Variants in NTNG1 observed in about 807,000 individuals in gnomAD.
NTNG1 encodes the protein netrin G1.
Under a neutral mutation model 54.0 loss-of-function variants are expected in NTNG1, and 16 were observed. The observed-to-expected ratio is 0.30, with a 90% CI of 0.20 to 0.45. The LOEUF (loss-of-function observed/expected upper bound fraction) is 0.45. NTNG1 is among the 20% of genes least tolerant of loss of function. The pLI is 1.00. For synonymous variants in NTNG1, 255 were observed against 263.1 expected (o/e 0.97, Z 0.30); for missense variants, 530 against 678.7 (o/e 0.78, Z 2.43).
At chr1:107,226,560 A>G (rs1055272376) in intron 2 of NTNG1, among the ~76,000 whole-genome samples, 2 of 152,126 alleles carry the variant, frequency 1.3e-5, no homozygotes, top group East Asian at 1.9e-4. Flanking sequence ...TTACCCAACT[A>G]TGTTTCTACT....
chr1:107,261,317 G>C (rs1663307858), intron 2 of NTNG1, among the ~76,000 whole-genome samples: 1 of 152,090 alleles, frequency 6.6e-6, no homozygotes, highest in Non-Finnish European at 1.5e-5. Context: ...TATGATAAAT[G>C]CTTTGTAAGC....
chr1:107,220,088 T>C (rs1436707313), intron 2 of NTNG1, among the ~76,000 whole-genome samples: 1 of 152,112 alleles, frequency 6.6e-6, no homozygotes, highest in African/African-American at 2.4e-5. Flanking sequence ...TCCAGGCCAA[T>C]GGAGTTATGT....
chr1:107,308,023 T>C (rs76326169), intron 2 of NTNG1, among the ~76,000 whole-genome samples: 3 of 152,084 alleles, frequency 2.0e-5, no homozygotes, highest in East Asian at 1.9e-4. Flanking sequence ...TTTTTTTTTT[T>C]CTTGTAAATT....
At chr1:107,216,121 A>G (rs1353359057) in intron 2 of NTNG1, among the ~76,000 whole-genome samples, 2 of 152,152 alleles carry the variant, frequency 1.3e-5, no homozygotes, top group Non-Finnish European at 2.9e-5. Flanking sequence ...CTCTTTACCC[A>G]TTTGGATGCC....
At position 107,244,789 on chromosome 1, in the gene NTNG1, C is replaced by T. The variant is rs539467953; in HGVS notation, c.247-79493C>T. On this transcript the variant is annotated intron_variant, in intron 2 of 7. Coordinates refer to ENST00000370068, the MANE Select transcript of NTNG1 (RefSeq NM_001113226.3). ...TCTGAATGAGGTGAAGAGTGTGGCGCGAACAGCAGGACCTTGACTGTGGCA... is the reference window on the plus strand; with the variant it reads ...TCTGAATGAGGTGAAGAGTGTGGCGTGAACAGCAGGACCTTGACTGTGGCA... Among the ~76,000 whole-genome samples, 11 of 152,158 alleles carry T rather than the reference C, an allele frequency of 7.2e-5. No individual in the cohort carries two copies. In the East Asian group the frequency reaches 1.4e-3, roughly 19 times the overall value.
At chr1:107,188,599 G>A (rs1657652429) in intron 2 of NTNG1, among the ~76,000 whole-genome samples, 1 of 152,090 alleles carries the variant, frequency 6.6e-6, no homozygotes, top group Admixed American at 6.6e-5. Flanking sequence ...TTCCAGGTAT[G>A]AGCCTGAAGA....
intron 2 of NTNG1, among the ~76,000 whole-genome samples, chr1:107,287,477 G>A (rs1665270612): frequency 6.6e-6 from 1 of 152,180 alleles, no homozygotes; most frequent in East Asian, 1.9e-4. Context: ...GCATAGTGCA[G>A]TGGCATGTGC....
At chr1:107,297,086 GACACAC>G (rs34213703) in intron 2 of NTNG1, among the ~76,000 whole-genome samples, 6,902 of 137,328 alleles carry the variant, frequency 0.05, 338 homozygotes, top group African/African-American at 0.13. Flanking sequence ...TACAGATGAG[GACACAC>G]ACACACACAC....
chr1:107,256,342 T>C (rs1662931635), intron 2 of NTNG1, among the ~76,000 whole-genome samples: 1 of 152,228 alleles, frequency 6.6e-6, no homozygotes, highest in Non-Finnish European at 1.5e-5. Context: ...AACTGCTAAC[T>C]GGACTCATTC....
At chr1:107,331,203 CT>C (rs1668261953) in intron 3 of NTNG1, among the ~76,000 whole-genome samples, 1 of 152,006 alleles carries the variant, frequency 6.6e-6, no homozygotes, top group Non-Finnish European at 1.5e-5. Context: ...GCATTATGCT[CT>C]TACAGTCACA....
At chr1:107,417,730 G>T (rs1241690379) in intron 5 of NTNG1, among the ~76,000 whole-genome samples, 1 of 152,054 alleles carries the variant, frequency 6.6e-6, no homozygotes, top group East Asian at 1.9e-4. Context: ...GGACTCAATA[G>T]ATGGTAGGAT....
At chr1:107,448,930 T>C (rs1397782115) in intron 7 of NTNG1, among the ~76,000 whole-genome samples, 1 of 152,118 alleles carries the variant, frequency 6.6e-6, no homozygotes, top group Non-Finnish European at 1.5e-5. Context: ...CATTTGGTTA[T>C]GAATATATCA....
chr1:107,259,430 A>G (rs773173526), intron 2 of NTNG1, among the ~76,000 whole-genome samples: 1 of 152,248 alleles, frequency 6.6e-6, no homozygotes, highest in Non-Finnish European at 1.5e-5. Flanking sequence ...GAAATGTAAC[A>G]CAGCTTAAAT....
intron 2 of NTNG1, among the ~76,000 whole-genome samples, chr1:107,246,058 T>C (rs1183033459): frequency 2.0e-5 from 3 of 152,150 alleles, no homozygotes; most frequent in Non-Finnish European, 2.9e-5. Flanking sequence ...ATTTTTGTTT[T>C]GTTTTGTTTT....
At chr1:107,270,708 G>GCCCCCT (rs1447788568) in intron 2 of NTNG1, among the ~76,000 whole-genome samples, 1 of 67,742 alleles carries the variant, frequency 1.5e-5, no homozygotes, top group Non-Finnish European at 3.1e-5. Flanking sequence ...CCCCGCCCCC[G>GCCCCCT]CCCCCGCCCC....
intron 5 of NTNG1, chr1:107,410,717 G>A (rs375482789): frequency 1.2e-3 from 176 of 152,222 alleles, no homozygotes; most frequent in African/African-American, 4.1e-3. Context: ...TGTTGCTGCC[G>A]ATAATCCAAA....
intron 2 of NTNG1, among the ~76,000 whole-genome samples, chr1:107,261,712 G>A (rs1395138667): frequency 2.6e-5 from 4 of 151,974 alleles, no homozygotes; most frequent in Admixed American, 6.5e-5. Context: ...GCGTGGTGGC[G>A]GGTGCCTGTA....
chr1:107,189,166 C>T (rs908637598), intron 2 of NTNG1, among the ~76,000 whole-genome samples: 6 of 151,690 alleles, frequency 4.0e-5, no homozygotes, highest in Non-Finnish European at 8.8e-5. Flanking sequence ...AGCCTGGCCA[C>T]GTGGCGAAAC....
At chr1:107,243,112 T>C (rs190041961) in intron 2 of NTNG1, among the ~76,000 whole-genome samples, 26 of 152,358 alleles carry the variant, frequency 1.7e-4, no homozygotes, top group Admixed American at 1.0e-3. Flanking sequence ...TGAAAAATTA[T>C]ACAAAATATT....
Sources: gnomAD v4.1 joint callset for allele counts (sites outside exome capture counted in the v4.1 genomes callset) on GRCh38, gnomAD v4.1.1 for gene constraint, MANE v1.5 for transcripts, NCBI Gene and HGNC (gene_info 2026-07-23, HGNC 2026-07-21) for gene names.